Variants in ELMOD1 observed in about 807,000 individuals in gnomAD.
The protein encoded by ELMOD1 is ELMO domain containing 1.
In ELMOD1, 21 loss-of-function variants were observed where a neutral mutation model predicts 46.7. The observed-to-expected ratio is 0.45, with a 90% CI of 0.32 to 0.65. ELMOD1 has a LOEUF of 0.65. ELMOD1 is among the 30% of genes least tolerant of loss of function. ELMOD1 has a pLI of 0.04. For synonymous variants in ELMOD1, 122 were observed against 138.2 expected (o/e 0.88, Z 0.82); for missense variants, 348 against 407.8 (o/e 0.85, Z 1.26).
At chr11:107,635,888 A>C in intron 6 of ELMOD1, 123 bp downstream of exon 6, 1 of 997,164 alleles carries the variant, frequency 1.0e-6, no homozygotes, top group Non-Finnish European at 1.4e-6. Context: ...ACGGGCACCT[A>C]ACTGGTTGGT....
At chr11:107,619,595 T>G (rs1301063869) in intron 2 of ELMOD1, among the ~76,000 whole-genome samples, 1 of 152,192 alleles carries the variant, frequency 6.6e-6, no homozygotes, top group Non-Finnish European at 1.5e-5. Context: ...AATTTCTTCC[T>G]CGATGTCTTA....
chr11:107,665,268 G>T lies in ELMOD1; in HGVS notation c.*71G>T. 1 of 1,469,524 alleles carries T rather than the reference G, an allele frequency of 6.8e-7. No individual in the cohort carries two copies. The highest frequency in any genetic ancestry group is 9.3e-7 in the Non-Finnish European group (1 of 1,072,400). The allele number at this position is 1,469,524 out of a possible 1,614,324, so 91.0% of individuals were successfully genotyped here. A position where few individuals can be genotyped will look rare whatever the true frequency, so the allele number is the denominator to read the frequency against. Reference sequence around the variant, plus strand: ...GTCTTGTTAGATCTCTGCTTAGGTCGCAGCTCACGCATTGAATGCACACAG... The same window carrying T: ...GTCTTGTTAGATCTCTGCTTAGGTCTCAGCTCACGCATTGAATGCACACAG... On this transcript the variant is annotated 3_prime_UTR_variant, in exon 12 of 12. Transcript: ENST00000265840.
At chr11:107,632,413 G>A (rs1022972661) in intron 5 of ELMOD1, among the ~76,000 whole-genome samples, 1 of 152,174 alleles carries the variant, frequency 6.6e-6, no homozygotes. Flanking sequence ...TGTTACCTTT[G>A]AGAAAGGCTT....
chr11:107,654,365 C>A, intron 10 of ELMOD1, 143 bp downstream of exon 10: 3 of 718,814 alleles, frequency 4.2e-6, no homozygotes, highest in Non-Finnish European at 7.0e-6. Flanking sequence ...AAGTACCCTT[C>A]TATATGTTTG....
chr11:107,607,364 A>T (rs1865703031), intron 1 of ELMOD1, among the ~76,000 whole-genome samples: 1 of 152,172 alleles, frequency 6.6e-6, no homozygotes, highest in Non-Finnish European at 1.5e-5. Flanking sequence ...TATAATAAAG[A>T]AATAGGGCAG....
At chr11:107,592,989 T>C (rs1591092827) in intron 1 of ELMOD1, 1 of 152,686 alleles carries the variant, frequency 6.5e-6, no homozygotes, top group African/African-American at 2.4e-5. Flanking sequence ...ATTTTAAGCC[T>C]CCAGTACAGG....
At position 107,656,024 on chromosome 11, in the gene ELMOD1, G is replaced by A. The variant is rs375199158; in HGVS notation, c.790G>A (p.Ala264Thr). 4.9e-5 allele frequency: 76 copies of A among 1,561,724 alleles called. No individual in the cohort carries two copies. The highest frequency in any genetic ancestry group is 3.3e-4 in the Middle Eastern group (2 of 6,014). Reference protein sequence around the residue: ...GALKTHFYNIAPEAPTLSHFQ... With the variant: ...GALKTHFYNITPEAPTLSHFQ... ...TCTAAAAACCCATTTCTACAATATC[G>A]CCCCAGAAGCTCCAACATTGTCTCA... The change falls in exon 11 of 12, where the codon GCC (alanine) becomes ACC (threonine). Residue 264 changes from alanine (A) to threonine (T), a missense_variant. Physicochemically the swap from Ala to Thr is moderately conservative, Grantham distance 58. Coordinates refer to ENST00000265840, the MANE Select transcript of ELMOD1 (RefSeq NM_018712.4).
chr11:107,633,519 A>G (rs10789628), intron 5 of ELMOD1, among the ~76,000 whole-genome samples: 104,773 of 151,784 alleles, frequency 0.69, 36,349 homozygotes, highest in Non-Finnish European at 0.73. Context: ...TGCAACCTCC[A>G]CCTCCCGGGT....
intron 11 of ELMOD1, among the ~76,000 whole-genome samples, chr11:107,661,196 G>C (rs529728558): frequency 6.6e-6 from 1 of 152,278 alleles, no homozygotes; most frequent in South Asian, 2.1e-4. Flanking sequence ...CATGGCGTCA[G>C]ATTGTGAGCC....
intron 1 of ELMOD1, among the ~76,000 whole-genome samples, chr11:107,597,364 A>G (rs1435530027): frequency 6.6e-6 from 1 of 152,214 alleles, no homozygotes; most frequent in Non-Finnish European, 1.5e-5. Flanking sequence ...AAATAGTTTT[A>G]GTTCACTTGA....
chr11:107,643,806 A>C (rs900683443), intron 6 of ELMOD1: 1 of 333,776 alleles, frequency 3.0e-6, no homozygotes, highest in African/African-American at 2.2e-5. Context: ...TTTCATCAAA[A>C]GAATCGTCAG....
intron 1 of ELMOD1, chr11:107,600,730 A>G (rs1260887246): frequency 6.5e-6 from 1 of 152,726 alleles, no homozygotes; most frequent in Non-Finnish European, 1.5e-5. Flanking sequence ...TTTCCCACCC[A>G]TCTTCATCTA....
chr11:107,601,416 CTTTTTTT>C (rs56341702), intron 1 of ELMOD1, among the ~76,000 whole-genome samples: 4 of 122,120 alleles, frequency 3.3e-5, no homozygotes, highest in Non-Finnish European at 3.4e-5. Context: ...TTAATTTTTT[CTTTTTTT>C]TTTTTTTTTT....
chr11:107,646,981 TCTATCTACCTATCTAC>T (rs1252078326), intron 6 of ELMOD1, among the ~76,000 whole-genome samples: 4 of 136,240 alleles, frequency 2.9e-5, no homozygotes, highest in Non-Finnish European at 6.2e-5. Context: ...TATCTATCTA[TCTATCTACCTATCTAC>T]CTACCATCTA....
chr11:107,615,021 C>A (rs1336435295), intron 1 of ELMOD1, among the ~76,000 whole-genome samples: 1 of 152,090 alleles, frequency 6.6e-6, no homozygotes, highest in Non-Finnish European at 1.5e-5. Context: ...ATCATCTTCT[C>A]TCCTCTCCTC....
chr11:107,663,129 G>A (rs1866772815), intron 11 of ELMOD1, among the ~76,000 whole-genome samples: 1 of 152,134 alleles, frequency 6.6e-6, no homozygotes, highest in South Asian at 2.1e-4. Context: ...GGGAATCCAA[G>A]CATCAGATGA....
In ELMOD1 at chr11:107,633,965, T is replaced by C. The variant is rs75376420; in HGVS notation, c.291-1671T>C. ...ATTAAAGTTCAGTATTCCTAGGCTG[T>C]CTGACTGTCCTGTACGTTTGGAGCA... On this transcript the variant is annotated intron_variant, in intron 5 of 11. Transcript: ENST00000265840. Among the ~76,000 whole-genome samples, 251 of 152,314 alleles carry C rather than the reference T, an allele frequency of 1.6e-3. 5 individuals carry two copies. In the East Asian group the frequency reaches 0.043, roughly 26 times the overall value.
chr11:107,598,839 C>T (rs1420727089), intron 1 of ELMOD1, among the ~76,000 whole-genome samples: 2 of 152,204 alleles, frequency 1.3e-5, no homozygotes, highest in Non-Finnish European at 2.9e-5. Flanking sequence ...AGTTCTCTAG[C>T]CCACCTGGAG....
chr11:107,634,274 T>G (rs925813328), intron 5 of ELMOD1, among the ~76,000 whole-genome samples: 6 of 152,234 alleles, frequency 3.9e-5, no homozygotes, highest in Non-Finnish European at 8.8e-5. Flanking sequence ...GACCTTTAGA[T>G]TCTACATTAC....
Sources: gnomAD v4.1 joint callset for allele counts (sites outside exome capture counted in the v4.1 genomes callset) on GRCh38, gnomAD v4.1.1 for gene constraint, MANE v1.5 for transcripts, NCBI Gene and HGNC (gene_info 2026-07-23, HGNC 2026-07-21) for gene names.